The following ETV1 variants were observed in gnomAD, a reference collection of about 807,000 sequenced individuals.
ETV1 encodes the protein ETS translocation variant 1.
ETV1 carries 27 observed loss-of-function variants against 62.3 expected under a neutral mutation model. That is an observed-to-expected ratio of 0.43 (90% confidence interval 0.32 to 0.60). ETV1 has a LOEUF of 0.60. Ranked by LOEUF, ETV1 falls within the 20% of genes least tolerant of loss-of-function variation. The pLI is 0.06. For synonymous variants in ETV1, 222 were observed against 199.6 expected, an observed-to-expected ratio of 1.11 and a Z score of -0.94; for missense variants, 605 against 605.8, an observed-to-expected ratio of 1.00 and a Z score of 0.01.
chr7:13,901,005 C>CT (rs71974939), intron 12 of ETV1, among the ~76,000 whole-genome samples, 166 bp from the exon 13 acceptor site: 49 of 132,162 alleles, frequency 3.7e-4, no homozygotes, highest in East Asian at 1.3e-3. Context: ...TCCTGGTTTG[C>CT]TTTTTTTTTT....
upstream of ETV1, chr7:13,989,843 GGGGTGCTCGGCCGGTAGGCGCT>G (rs1782888498): frequency 2.7e-6 from 1 of 371,266 alleles, no homozygotes; most frequent in South Asian, 1.5e-4. Context: ...TCTGCCCTAG[GGGGTGCTCGGCCGGTAGGCGCT>G]GGGTCCTCAG....
chr7:13,932,463 G>A (rs2128451848), intron 8 of ETV1, among the ~76,000 whole-genome samples: 1 of 152,228 alleles, frequency 6.6e-6, no homozygotes, highest in South Asian at 2.1e-4. Context: ...ATAAAAATAA[G>A]CATAAATGCA....
At chr7:13,914,070 A>C (rs954059171) in intron 9 of ETV1, among the ~76,000 whole-genome samples, 4 of 151,626 alleles carry the variant, frequency 2.6e-5, no homozygotes, top group African/African-American at 9.7e-5. Flanking sequence ...TTTTTAGTAG[A>C]GACGGGGTTT....
In ETV1 at chr7:13,894,107, A is replaced by T. The variant is rs1345826876; in HGVS notation, c.*1759T>A. The T allele has an allele frequency of 8.6e-6, 2 of 232,346 alleles. No homozygotes were observed. The highest frequency in any genetic ancestry group is 1.1e-4 in the Admixed American group (2 of 17,722). 14.4% of individuals were successfully genotyped at this position (232,346 alleles called of 1,614,324 possible). A position where few individuals can be genotyped will look rare whatever the true frequency, so the allele number is the denominator to read the frequency against. ...TCTTTAAACAATCTTTTTCATGCTC[A>T]TCACGAAATGCTTTTACAATAGGTT... is the stretch of plus-strand genomic sequence containing the variant. On this transcript the variant is annotated 3_prime_UTR_variant, in exon 14 of 14. Transcript: ENST00000430479.
In ETV1 at chr7:13,896,100, T is replaced by A; in HGVS notation, c.1213-13A>T. Reference sequence around the variant, plus strand: ...TCTCTCCAGCCACCTGATGATAACATGGAAGAGAAAAACCCATCCTCACCA... The same window carrying A: ...TCTCTCCAGCCACCTGATGATAACAAGGAAGAGAAAAACCCATCCTCACCA... On this transcript the variant is annotated splice_polypyrimidine_tract_variant and intron_variant, in intron 13 of 13. Transcript: ENST00000430479. 14 of 1,605,988 alleles carry A rather than the reference T, an allele frequency of 8.7e-6. No homozygotes were observed. The highest frequency in any genetic ancestry group is 1.2e-5 in the Non-Finnish European group (14 of 1,174,690).
intron 6 of ETV1, among the ~76,000 whole-genome samples, chr7:13,965,522 G>A (rs1039998361): frequency 1.3e-5 from 2 of 151,990 alleles, no homozygotes; most frequent in African/African-American, 4.8e-5. Flanking sequence ...CTATCAGGGA[G>A]GGAAGATCTG....
At chr7:13,964,218 C>T (rs1790511420) in intron 6 of ETV1, among the ~76,000 whole-genome samples, 1 of 152,154 alleles carries the variant, frequency 6.6e-6, no homozygotes, top group Non-Finnish European at 1.5e-5. Flanking sequence ...CACTTCACAG[C>T]AGGACCACCA....
intron 6 of ETV1, among the ~76,000 whole-genome samples, chr7:13,954,117 G>A (rs1007658628): frequency 6.6e-6 from 1 of 151,960 alleles, no homozygotes; most frequent in African/African-American, 2.4e-5. Context: ...TACTAAAAAG[G>A]CATTTCTAAG....
chr7:13,902,735 C>T (rs1431187241), intron 12 of ETV1, among the ~76,000 whole-genome samples: 1 of 152,122 alleles, frequency 6.6e-6, no homozygotes, highest in Non-Finnish European at 1.5e-5. Flanking sequence ...TCTAGAAACT[C>T]ACCAGGATGC....
At position 13,953,085 on chromosome 7, in the gene ETV1, A is replaced by G. The variant is rs148615176; in HGVS notation, c.236-13839T>C. Among the ~76,000 whole-genome samples the G allele has an allele frequency of 6.5e-3, 993 of 152,312 alleles. 20 individuals are homozygous for G. The highest frequency in any genetic ancestry group is 6.8e-3 in the Middle Eastern group (2 of 294). ...CTTCAAATCAGATCGTCCTACCCCT[A>G]CTGGTCCAGTAGATGGAAAGCAGCA... On this transcript the variant is annotated intron_variant, in intron 6 of 13. Transcript: ENST00000430479.
intron 12 of ETV1, among the ~76,000 whole-genome samples, chr7:13,905,267 T>G (rs1180013469): frequency 1.3e-5 from 2 of 152,090 alleles, no homozygotes; most frequent in Non-Finnish European, 2.9e-5. Context: ...ATGGACCCAG[T>G]AGTCAAGGGT....
At chr7:13,976,470 C>T (rs1781466633) in intron 6 of ETV1, among the ~76,000 whole-genome samples, 1 of 152,096 alleles carries the variant, frequency 6.6e-6, no homozygotes, top group South Asian at 2.1e-4. Flanking sequence ...ACCCTCTACG[C>T]CTGAGAAATT....
At chr7:13,983,666 G>T (rs3801104) in intron 5 of ETV1, among the ~76,000 whole-genome samples, 83,762 of 146,290 alleles carry the variant, frequency 0.57, 24,218 homozygotes, top group African/African-American at 0.64. Flanking sequence ...CATTAACTTT[G>T]CAGTTTTCTT....
intron 9 of ETV1, among the ~76,000 whole-genome samples, chr7:13,923,593 A>C (rs1325442725): frequency 9.2e-5 from 14 of 152,214 alleles, no homozygotes; most frequent in Admixed American, 9.2e-4. Flanking sequence ...CTGCCTACAC[A>C]TAATTTTTCG....
At chr7:13,929,801 G>A (rs574921341) in intron 9 of ETV1, among the ~76,000 whole-genome samples, 4 of 152,246 alleles carry the variant, frequency 2.6e-5, no homozygotes, top group South Asian at 2.1e-4. Context: ...ATGCCTCAAC[G>A]GGGCCAATTC....
intron 9 of ETV1, among the ~76,000 whole-genome samples, chr7:13,914,181 G>A (rs1480933155): frequency 6.6e-6 from 1 of 151,134 alleles, no homozygotes; most frequent in Non-Finnish European, 1.5e-5. Flanking sequence ...CACCGCGCCC[G>A]GCCGGGGGTA....
In ETV1 at chr7:13,915,115, T is replaced by C. The variant is rs192655020; in HGVS notation, c.803-3808A>G. Among the ~76,000 whole-genome samples, 443 of 152,296 alleles carry C rather than the reference T, an allele frequency of 2.9e-3. 6 individuals carry two copies. Among genetic ancestry groups the C allele is most frequent in the Non-Finnish European group, 3.7e-3 (251 of 68,024 alleles). On this transcript the variant is annotated intron_variant, in intron 9 of 13. Coordinates refer to ENST00000430479, the MANE Select transcript of ETV1 (RefSeq NM_004956.5). ...AAATCTCAGTAAAATATAAATATGT[T>C]TGATGTTGTATTTTAATGTGGTTTT...
chr7:13,977,097 T>C (rs1781523291), intron 6 of ETV1, among the ~76,000 whole-genome samples: 1 of 152,208 alleles, frequency 6.6e-6, no homozygotes, highest in Non-Finnish European at 1.5e-5. Flanking sequence ...AAACTGGAAG[T>C]AAACATGTGC....
intron 8 of ETV1, among the ~76,000 whole-genome samples, chr7:13,932,490 G>A (rs1437959254): frequency 6.6e-6 from 1 of 152,144 alleles, no homozygotes; most frequent in East Asian, 1.9e-4. Context: ...ATCTCCAAAG[G>A]TGAAAATAAC....
Sources: gnomAD v4.1 joint callset for allele counts (sites outside exome capture counted in the v4.1 genomes callset) on GRCh38, gnomAD v4.1.1 for gene constraint, MANE v1.5 for transcripts, NCBI Gene and HGNC (gene_info 2026-07-23, HGNC 2026-07-21) for gene names.